RELN: variants seen among roughly 807,000 people sequenced by gnomAD.
RELN encodes the protein reelin.
In RELN, 108 loss-of-function variants were observed where a neutral mutation model predicts 427.6. That is an observed-to-expected ratio of 0.25 (90% CI 0.22 to 0.30). The LOEUF is 0.30. Ranked by LOEUF, RELN falls within the 10% of genes least tolerant of loss-of-function variation. The pLI, the probability that RELN is intolerant of heterozygous loss-of-function variation, is 1.00. For synonymous variants in RELN, 1,524 were observed against 1,513.4 expected (o/e 1.01, Z -0.16); for missense variants, 3,715 against 4,302.8 (o/e 0.86, Z 3.82).
intron 2 of RELN, among the ~76,000 whole-genome samples, chr7:103,907,253 T>C (rs759105389): frequency 2.7e-5 from 4 of 150,866 alleles, no homozygotes; most frequent in Non-Finnish European, 5.9e-5. Context: ...CCATCTCTAC[T>C]AAAAACACAA....
At chr7:103,482,683 T>G in intron 63 of RELN, 190 bp downstream of exon 63, 1 of 757,306 alleles carries the variant, frequency 1.3e-6, no homozygotes, top group Middle Eastern at 6.8e-4. Context: ...ACATTACATT[T>G]CATTCGGGGC....
chr7:103,869,355 CT>C (rs1424451596), intron 2 of RELN, among the ~76,000 whole-genome samples: 21 of 151,882 alleles, frequency 1.4e-4, no homozygotes, highest in Admixed American at 9.2e-4. Context: ...TTCTTTATAC[CT>C]TTTTTTACTT....
rs926207756 is a variant in RELN, at chr7:103,941,708, T to G, written c.227-24523A>C. Among the ~76,000 whole-genome samples the G allele has an allele frequency of 3.3e-5, 5 of 152,190 alleles. No individual in the cohort carries two copies. In the East Asian group the frequency reaches 9.7e-4, roughly 29 times the overall value. On this transcript the variant is annotated intron_variant, in intron 1 of 64. Transcript: ENST00000428762. The stretch of plus-strand genomic sequence containing the variant: ...TTCTAGTCCAAACACATATATAAAC[T>G]CATAACATTTAACAATGAACATTTG...
chr7:103,741,950 G>A (rs1049076201), intron 6 of RELN, among the ~76,000 whole-genome samples: 2 of 152,156 alleles, frequency 1.3e-5, no homozygotes, highest in African/African-American at 4.8e-5. Context: ...TGAGATCTGA[G>A]AACGGGCAGA....
chr7:103,602,059 C>CA (rs1203754527), intron 24 of RELN, among the ~76,000 whole-genome samples: 19 of 152,182 alleles, frequency 1.2e-4, no homozygotes, highest in African/African-American at 3.9e-4. Context: ...TACATACCCC[C>CA]ACTCTCATCA....
chr7:103,796,814 T>C (rs368851395), intron 3 of RELN, among the ~76,000 whole-genome samples: 4 of 141,218 alleles, frequency 2.8e-5, no homozygotes, highest in South Asian at 2.2e-4. Flanking sequence ...TGAGCCAAGA[T>C]TGCCCCGCTG....
At chr7:103,757,371 G>T (rs536166515) in intron 4 of RELN, among the ~76,000 whole-genome samples, 1 of 152,036 alleles carries the variant, frequency 6.6e-6, no homozygotes, top group Non-Finnish European at 1.5e-5. Context: ...TAGATTGCTC[G>T]TATGTTTTTA....
chr7:103,773,168 T>TTTCTTTC (rs1563004438), intron 4 of RELN, among the ~76,000 whole-genome samples: 2 of 98,934 alleles, frequency 2.0e-5, no homozygotes, highest in African/African-American at 7.2e-5. Context: ...TTCTTTCTTT[T>TTTCTTTC]TCTTTCTTTC....
intron 1 of RELN, among the ~76,000 whole-genome samples, chr7:103,942,243 A>G (rs1253593175): frequency 6.6e-6 from 1 of 152,166 alleles, no homozygotes; most frequent in Non-Finnish European, 1.5e-5. Context: ...GATCTCCAGA[A>G]TTTATTTATC....
intron 36 of RELN, 37 bp downstream of exon 36, chr7:103,561,495 A>G (rs1830640047): frequency 7.0e-7 from 1 of 1,438,014 alleles, no homozygotes; most frequent in African/African-American, 1.4e-5. Flanking sequence ...CAATGTTAGT[A>G]GTAATGTTGG....
At chr7:103,492,061 G>A (rs1480930840) in intron 57 of RELN, 35 bp from the exon 58 acceptor site, 11 of 1,461,538 alleles carry the variant, frequency 7.5e-6, no homozygotes, top group Non-Finnish European at 1.1e-5. Context: ...ACACAGGTAA[G>A]ATTAGATGAT....
chr7:103,558,828 T>C (rs1830580848), intron 36 of RELN, among the ~76,000 whole-genome samples: 2 of 152,240 alleles, frequency 1.3e-5, no homozygotes, highest in Non-Finnish European at 2.9e-5. Context: ...CTGCAACTTC[T>C]GAATGACGTG....
intron 2 of RELN, among the ~76,000 whole-genome samples, chr7:103,878,999 A>T (rs1282460385): frequency 6.6e-6 from 1 of 152,170 alleles, no homozygotes; most frequent in Non-Finnish European, 1.5e-5. Context: ...TGAGACCCTA[A>T]TGCTTATCAA....
Position 103,906,336 on chromosome 7 carries a change from C to T in RELN, c.337+10739G>A, listed in dbSNP as rs76186170. On this transcript the variant is annotated intron_variant, in intron 2 of 64. Coordinates refer to ENST00000428762, the MANE Select transcript of RELN (RefSeq NM_005045.4). ...CTCTTTTTGCCTTGGGTTCTTTATC[C>T]ATAAAATAAGGAGAATTATAGTAGA... Among the ~76,000 whole-genome samples the T allele has an allele frequency of 3.5e-3, 535 of 152,148 alleles. 10 individuals carry two copies. In the East Asian group the frequency reaches 0.054, roughly 15 times the overall value.
At chr7:103,747,572 C>G (rs1790875943) in intron 6 of RELN, among the ~76,000 whole-genome samples, 1 of 151,514 alleles carries the variant, frequency 6.6e-6, no homozygotes, top group Non-Finnish European at 1.5e-5. Flanking sequence ...ATATCAGGGC[C>G]TCTGCCACCT....
intron 6 of RELN, among the ~76,000 whole-genome samples, chr7:103,745,896 C>T (rs539588599): frequency 6.6e-6 from 1 of 152,314 alleles, no homozygotes; most frequent in South Asian, 2.1e-4. Context: ...TGACTTTCTT[C>T]ACAGAACTGG....
Position 103,603,426 on chromosome 7 carries a change from A to C in RELN, c.3211T>G (p.Ser1071Ala), listed in dbSNP as rs762812736. 3.7e-6 allele frequency: 6 copies of C among 1,613,856 alleles called. No homozygotes were observed. The highest frequency in any genetic ancestry group is 5.1e-6 in the Non-Finnish European group (6 of 1,179,848). ...CAGCCATTCTGGTTCTCAAAATCTG[A>C]CATAATTGTGGACGGAAGGGCAGCT... is the stretch of plus-strand genomic sequence containing the variant. ...PEAALPSTIM[S>A]DFENQNGWES... The change falls in exon 24 of 65, where the codon TCA becomes GCA. Residue 1071 changes from serine to alanine, a missense_variant. Physicochemically the swap from Ser to Ala is moderately conservative, Grantham distance 99. Coordinates refer to ENST00000428762, the MANE Select transcript of RELN (RefSeq NM_005045.4). The surrounding 1 kb of genome is among the most constrained non-coding windows in gnomAD (Gnocchi z 4.3).
chr7:103,983,800 T>C (rs1434562831), intron 1 of RELN, among the ~76,000 whole-genome samples: 1 of 152,150 alleles, frequency 6.6e-6, no homozygotes, highest in Non-Finnish European at 1.5e-5. Flanking sequence ...ACCTTCCTTT[T>C]TTTCCGGAGT....
intron 3 of RELN, among the ~76,000 whole-genome samples, chr7:103,803,319 A>G (rs1434806891): frequency 6.6e-6 from 1 of 152,158 alleles, no homozygotes; most frequent in Non-Finnish European, 1.5e-5. Flanking sequence ...TTATATATTT[A>G]GTAATTTTAA....
Sources: allele counts gnomAD v4.1 joint callset (sites outside exome capture counted in the v4.1 genomes callset), GRCh38; gene constraint gnomAD v4.1.1; non-coding constraint Gnocchi (gnomAD v3.1); transcripts MANE v1.5; gene names NCBI Gene and HGNC (gene_info 2026-07-23, HGNC 2026-07-21).